ZNF700: variants seen among roughly 807,000 people sequenced by gnomAD.
ZNF700 encodes the protein zinc finger protein 700.
Under a neutral mutation model 65.3 loss-of-function variants are expected in ZNF700, and 38 were observed. That is an observed-to-expected ratio of 0.58 (90% CI 0.45 to 0.76). The LOEUF (loss-of-function observed/expected upper bound fraction) is 0.76. ZNF700 is among the 30% of genes least tolerant of loss of function. ZNF700 has a pLI of 0.00. For missense variants in ZNF700, 857 were observed against 888.4 expected, an observed-to-expected ratio of 0.96 and a Z score of 0.45; for synonymous variants, 285 against 290.4, an observed-to-expected ratio of 0.98 and a Z score of 0.19.
At chr19:11,934,821 C>T (rs1347867648) in intron 1 of ZNF700, among the ~76,000 whole-genome samples, 3 of 147,772 alleles carry the variant, frequency 2.0e-5, no homozygotes, top group African/African-American at 5.3e-5. Context: ...CCACTGCGCC[C>T]GGCCTGTTTT....
intron 1 of ZNF700, among the ~76,000 whole-genome samples, chr19:11,941,579 G>A (rs901689810): frequency 2.6e-5 from 4 of 152,198 alleles, no homozygotes; most frequent in African/African-American, 7.2e-5. Context: ...AGGGTCGGCC[G>A]GCTGCTCCGA....
In ZNF700 at chr19:11,947,697, T is replaced by A. The variant is rs530127573; in HGVS notation, c.251+123T>A. 6.8e-6 allele frequency: 7 copies of A among 1,034,782 alleles called. No individual in the cohort carries two copies. The African/African-American group carries it at 1.1e-4, about 17-fold the overall frequency. 64.1% of individuals were successfully genotyped at this position (1,034,782 alleles called of 1,614,324 possible). A position where few individuals can be genotyped will look rare whatever the true frequency, so the allele number is the denominator to read the frequency against. On this transcript the variant is annotated intron_variant, in intron 3 of 3. Coordinates refer to ENST00000254321, the MANE Select transcript of ZNF700 (RefSeq NM_144566.3). ...TCAAATTCATTTCTTCTTAGAATAT[T>A]TTCTCAAAAAACATATATTTAAACG...
At chr19:11,946,534 A>G (rs1467779751) in intron 1 of ZNF700, among the ~76,000 whole-genome samples, 1 of 151,660 alleles carries the variant, frequency 6.6e-6, no homozygotes, top group African/African-American at 2.4e-5. Context: ...GGGGTCTAAA[A>G]CCAGCTGTAA....
intron 1 of ZNF700, among the ~76,000 whole-genome samples, chr19:11,943,396 A>G (rs1222416099): frequency 6.6e-6 from 1 of 152,230 alleles, no homozygotes; most frequent in African/African-American, 2.4e-5. Flanking sequence ...TTACCGGGCT[A>G]AAACAGTTAA....
chr19:11,950,037 A>C lies in ZNF700; in HGVS notation c.2013A>C (p.Arg671Ser). 2 of 1,614,056 alleles carry C rather than the reference A, an allele frequency of 1.2e-6. No homozygotes were observed. The highest frequency in any genetic ancestry group is 1.7e-6 in the Non-Finnish European group (2 of 1,179,978). Residue 671 changes from arginine to serine, a missense_variant, in exon 4 of 4, where the codon AGA becomes AGC. Arg to Ser is a moderately radical substitution (Grantham distance 110). Around this residue, in one of 3 missense-constraint regions of ZNF700, gnomAD observed 251 missense variants for 250.3 expected, o/e 1.00. Coordinates refer to ENST00000254321, the MANE Select transcript of ZNF700 (RefSeq NM_144566.3). ...SSFQIHERKH[R>S]GEKPYECKHC... ...TTCAAATACATGAAAGGAAGCACAG[A>C]GGAGAGAAGCCCTATGAATGTAAGC...
In ZNF700 at chr19:11,949,235, C is replaced by T. The variant is rs1212766672; in HGVS notation, c.1211C>T (p.Ser404Phe). 1.9e-6 allele frequency: 3 copies of T among 1,613,520 alleles called. No homozygotes were observed. Among genetic ancestry groups the T allele is most frequent in the Non-Finnish European group, 1.7e-6 (2 of 1,179,900 alleles). The change falls in exon 4 of 4, where the codon TCC becomes TTC. Residue 404 changes from serine (S) to phenylalanine (F), a missense_variant. Physicochemically the swap from Ser to Phe is radical, Grantham distance 155. Transcript: ENST00000254321. ...GGTAAAGCCTTCAATCTTTCCAGTT[C>T]CTTTCGATATCATGAAAGGATTCAC... ...QCGKAFNLSS[S>F]FRYHERIHTG... is the part of the protein sequence containing the mutation.
In ZNF700 at chr19:11,925,161, G is replaced by A. The variant is rs7251778; in HGVS notation, c.-50G>A. ...TTGGTAACCGGTCAGACCAGCCCGAGAGGGACCTGGTGCCTGTACCCAGGC... is the reference window on the plus strand; with the variant it reads ...TTGGTAACCGGTCAGACCAGCCCGAAAGGGACCTGGTGCCTGTACCCAGGC... On this transcript the variant is annotated 5_prime_UTR_variant, in exon 1 of 4. Transcript: ENST00000254321. The A allele has an allele frequency of 1.4e-3, 2,260 of 1,605,700 alleles. 36 individuals are homozygous for A. The African/African-American group carries it at 0.027, about 20-fold the overall frequency.
intron 1 of ZNF700, among the ~76,000 whole-genome samples, chr19:11,946,514 A>G (rs1015214793): frequency 1.3e-5 from 2 of 152,040 alleles, no homozygotes; most frequent in African/African-American, 4.8e-5. Flanking sequence ...TGTCCTCTCA[A>G]CCACTGTGGG....
intron 1 of ZNF700, among the ~76,000 whole-genome samples, chr19:11,935,443 G>A (rs1972780988): frequency 1.3e-5 from 2 of 151,984 alleles, no homozygotes; most frequent in East Asian, 2.0e-4. Context: ...CACCATGTTA[G>A]GCTGATCTCG....
At chr19:11,925,310 G>A (rs998514387) in intron 1 of ZNF700, 37 bp downstream of exon 1, 1 of 1,606,552 alleles carries the variant, frequency 6.2e-7, no homozygotes, top group Admixed American at 1.7e-5. Flanking sequence ...AGACGGGGGA[G>A]GGGCTGCCTG....
Position 11,950,590 on chromosome 19 carries a change from G to T in ZNF700, c.*337G>T. On this transcript the variant is annotated 3_prime_UTR_variant, in exon 4 of 4. Transcript: ENST00000254321. ...GCCTCGCACCTTCAACGGCATGGAAGGGTTCACACTTGGGAGAAACTCTAT... is the reference window on the plus strand; with the variant it reads ...GCCTCGCACCTTCAACGGCATGGAATGGTTCACACTTGGGAGAAACTCTAT... 1 of 499,394 alleles carries T rather than the reference G, an allele frequency of 2.0e-6. No individual in the cohort carries two copies. 30.9% of individuals were successfully genotyped at this position (499,394 alleles called of 1,614,324 possible).
Position 11,925,289 on chromosome 19 carries a change from C to T in ZNF700, c.63+16C>T, listed in dbSNP as rs1304727644. On this transcript the variant is annotated intron_variant, in intron 1 of 3. Coordinates refer to ENST00000254321, the MANE Select transcript of ZNF700 (RefSeq NM_144566.3). The stretch of plus-strand genomic sequence containing the variant: ...CCGGGAAATGGTGCGTGTGCGGGAC[C>T]AGATGTCGTGAGACGGGGGAGGGGC... 1.2e-6 allele frequency: 2 copies of T among 1,610,902 alleles called. No individual in the cohort carries two copies. Among genetic ancestry groups the T allele is most frequent in the Non-Finnish European group, 1.7e-6 (2 of 1,178,218 alleles).
chr19:11,947,085 A>G, intron 1 of ZNF700, 96 bp from the exon 2 acceptor site: 3 of 1,513,720 alleles, frequency 2.0e-6, no homozygotes, highest in Admixed American at 2.4e-5. Context: ...AAATGTTTGG[A>G]GTCCACAGCA....
intron 1 of ZNF700, among the ~76,000 whole-genome samples, chr19:11,931,015 A>C (rs1972705624): frequency 6.8e-6 from 1 of 147,042 alleles, no homozygotes; most frequent in South Asian, 2.1e-4. Context: ...AAAAAAAAAC[A>C]ACATAGATGC....
intron 1 of ZNF700, among the ~76,000 whole-genome samples, chr19:11,942,253 T>C (rs753820502): frequency 4.0e-5 from 6 of 151,390 alleles, no homozygotes; most frequent in Non-Finnish European, 7.4e-5. Context: ...CCTCCTGCTC[T>C]TGGCTAGCTA....
chr19:11,941,900 G>A (rs536734396), intron 1 of ZNF700, among the ~76,000 whole-genome samples: 57 of 152,320 alleles, frequency 3.7e-4, no homozygotes, highest in African/African-American at 1.1e-3. Flanking sequence ...CCATTCAGCC[G>A]TCAGTGGATA....
chr19:11,940,853 A>G (rs930910139), intron 1 of ZNF700, among the ~76,000 whole-genome samples: 4 of 152,126 alleles, frequency 2.6e-5, no homozygotes, highest in African/African-American at 9.7e-5. Context: ...AGCTAGATAC[A>G]GAGTGTTGAC....
intron 1 of ZNF700, among the ~76,000 whole-genome samples, chr19:11,928,316 CT>C (rs961421888): frequency 6.6e-5 from 10 of 152,154 alleles, no homozygotes; most frequent in African/African-American, 2.2e-4. Context: ...TAATGGTTTA[CT>C]TTTTTCCCCC....
At chr19:11,936,614 A>G (rs977719972) in intron 1 of ZNF700, among the ~76,000 whole-genome samples, 1 of 152,170 alleles carries the variant, frequency 6.6e-6, no homozygotes, top group Non-Finnish European at 1.5e-5. Context: ...GTAGATTGCA[A>G]AAATTTTCTC....
Sources: gnomAD v4.1 joint callset for allele counts (sites outside exome capture counted in the v4.1 genomes callset) on GRCh38, gnomAD v4.1.1 for gene constraint, gnomAD v4.1.1 regional missense constraint, MANE v1.5 for transcripts, NCBI Gene and HGNC (gene_info 2026-07-23, HGNC 2026-07-21) for gene names.